Variants in FLT3 observed in about 807,000 individuals in gnomAD.
FLT3 encodes the protein receptor-type tyrosine-protein kinase FLT3.
FLT3 carries 46 observed loss-of-function variants against 126.6 expected under a neutral mutation model. The ratio of observed to expected loss-of-function variants is 0.36; its 90% CI spans 0.29 to 0.46. The LOEUF (loss-of-function observed/expected upper bound fraction) is 0.46, where lower values mean the gene tolerates loss of function less well. Ranked by LOEUF, FLT3 falls within the 20% of genes least tolerant of loss-of-function variation. The pLI, the probability that FLT3 is intolerant of heterozygous loss-of-function variation, is 1.00. For missense variants in FLT3, 1,069 were observed against 1,190.3 expected (o/e 0.90, Z 1.50); for synonymous variants, 404 against 434.4 (o/e 0.93, Z 0.87).
At position 28,060,882 on chromosome 13, in the gene FLT3, G is replaced by C. The variant is rs540743793; in HGVS notation, c.368+985C>G. Reference sequence around the variant, plus strand: ...GGCCTCCCAAAGTGCTGGGATTACAGGCATGAGCCACTGCACCCAACCAAC... The same window carrying C: ...GGCCTCCCAAAGTGCTGGGATTACACGCATGAGCCACTGCACCCAACCAAC... On this transcript the variant is annotated intron_variant, in intron 3 of 23. Coordinates refer to ENST00000241453, the MANE Select transcript of FLT3 (RefSeq NM_004119.3). Among the ~76,000 whole-genome samples the C allele has an allele frequency of 5.1e-3, 777 of 151,892 alleles. 4 individuals carry two copies. Among genetic ancestry groups the C allele is most frequent in the African/African-American group, 0.018 (726 of 41,440 alleles).
At chr13:28,099,613 T>C (rs1421927694) in intron 1 of FLT3, among the ~76,000 whole-genome samples, 2 of 152,148 alleles carry the variant, frequency 1.3e-5, no homozygotes, top group East Asian at 3.9e-4. Context: ...GTTGCAGACC[T>C]AGGACAGGGA....
chr13:28,086,619 CGTGTGTGT>C lies in FLT3; in HGVS notation c.43+13841_43+13848del, dbSNP rs35797346. On this transcript the variant is annotated intron_variant, in intron 1 of 23. Transcript: ENST00000241453. Reference sequence around the variant, plus strand: ...TATTTTTCCTTCTGTCTGAAGAACTCGTGTGTGTGTGTGTGTGTGTGTGTGTGTGTGTG... The same window carrying C: ...TATTTTTCCTTCTGTCTGAAGAACTCGTGTGTGTGTGTGTGTGTGTGTGTG... Among the ~76,000 whole-genome samples the C allele has an allele frequency of 1.3e-3, 178 of 134,828 alleles. 1 individual carries two copies. Among genetic ancestry groups the C allele is most frequent in the Middle Eastern group, 3.8e-3 (1 of 266 alleles). The allele number at this position is 134,828 out of a possible 152,430, so 88.5% of individuals were successfully genotyped here.
At chr13:28,073,375 T>C in intron 1 of FLT3, 1 of 421,872 alleles carries the variant, frequency 2.4e-6, no homozygotes, top group Non-Finnish European at 4.6e-6. Flanking sequence ...AAAAAGCATT[T>C]TTTACTGTCA....
intron 1 of FLT3, among the ~76,000 whole-genome samples, chr13:28,074,212 G>A (rs922335933): frequency 6.6e-6 from 1 of 151,854 alleles, no homozygotes; most frequent in Non-Finnish European, 1.5e-5. Context: ...GCATTTTTTT[G>A]ATATTTGTCC....
rs541253636 is a variant in FLT3, at chr13:28,052,431, G to A, written c.614+114C>T. 8 of 1,136,656 alleles carry A rather than the reference G, an allele frequency of 7.0e-6. No individual in the cohort carries two copies. The African/African-American group carries it at 1.1e-4, about 15-fold the overall frequency. 70.4% of individuals were successfully genotyped at this position (1,136,656 alleles called of 1,614,324 possible). ...CATTTTTTAACTTTAAGAAGCCAAA[G>A]TTTCCTGTTTAAATGAGCATAAATT... On this transcript the variant is annotated intron_variant, in intron 5 of 23. Coordinates refer to ENST00000241453, the MANE Select transcript of FLT3 (RefSeq NM_004119.3).
At chr13:28,080,964 G>A (rs577055592) in intron 1 of FLT3, among the ~76,000 whole-genome samples, 5 of 152,130 alleles carry the variant, frequency 3.3e-5, no homozygotes, top group South Asian at 2.1e-4. Context: ...TTTCTAGGTC[G>A]CAAATCACTA....
chr13:28,076,731 C>G (rs1877948368), intron 1 of FLT3, among the ~76,000 whole-genome samples: 1 of 152,196 alleles, frequency 6.6e-6, no homozygotes, highest in Admixed American at 6.5e-5. Context: ...AATTCGAGAC[C>G]AGCCTGGGCA....
intron 1 of FLT3, among the ~76,000 whole-genome samples, chr13:28,074,061 C>G (rs1044758689): frequency 3.3e-5 from 5 of 152,242 alleles, no homozygotes; most frequent in African/African-American, 1.2e-4. Context: ...GCTACCAACC[C>G]CATTCCCCCA....
At chr13:28,030,656 A>G (rs530185009) in intron 15 of FLT3, among the ~76,000 whole-genome samples, 1 of 152,276 alleles carries the variant, frequency 6.6e-6, no homozygotes, top group Non-Finnish European at 1.5e-5. Context: ...GCTGGTACCC[A>G]GAAGTTCAAG....
chr13:28,017,411 A>G (rs1871958237), intron 20 of FLT3, among the ~76,000 whole-genome samples: 1 of 151,982 alleles, frequency 6.6e-6, no homozygotes, highest in African/African-American at 2.4e-5. Context: ...TTATAGAGAC[A>G]GTTGAGTGTC....
At chr13:28,092,185 G>A (rs1233584422) in intron 1 of FLT3, among the ~76,000 whole-genome samples, 1 of 152,112 alleles carries the variant, frequency 6.6e-6, no homozygotes, top group Non-Finnish European at 1.5e-5. Flanking sequence ...AAACTCAAAT[G>A]GAAATTTAAC....
Position 28,062,073 on chromosome 13 carries a change from C to T in FLT3, c.166-4G>A, listed in dbSNP as rs1214532205. 13 of 1,610,000 alleles carry T rather than the reference C, an allele frequency of 8.1e-6. No individual in the cohort carries two copies. The highest frequency in any genetic ancestry group is 1.3e-5 in the African/African-American group (1 of 74,904). On this transcript the variant is annotated splice_region_variant and splice_polypyrimidine_tract_variant and intron_variant, in intron 2 of 23. Transcript: ENST00000241453. ...GGTCTTCCGGGGATTCTGATACCTA[C>T]GTTGCAGATAGAACAAAGTGAATTC... is the stretch of plus-strand genomic sequence containing the variant.
At chr13:28,039,799 T>G (rs1874183888) in intron 9 of FLT3, among the ~76,000 whole-genome samples, 1 of 152,136 alleles carries the variant, frequency 6.6e-6, no homozygotes, top group African/African-American at 2.4e-5. Context: ...CCTCTCTCCT[T>G]GGCCTCCAAA....
At chr13:28,045,814 C>A (rs892960882) in intron 9 of FLT3, among the ~76,000 whole-genome samples, 10 of 148,598 alleles carry the variant, frequency 6.7e-5, no homozygotes, top group Non-Finnish European at 1.2e-4. Flanking sequence ...AAGATCGTGC[C>A]ACTGCACTTC....
intron 23 of FLT3, 100 bp from the exon 24 acceptor site, chr13:28,004,274 A>G (rs1870690026): frequency 8.2e-7 from 1 of 1,217,762 alleles, no homozygotes; most frequent in Admixed American, 2.3e-5. Flanking sequence ...CAGTTGTTCT[A>G]TATAGACAAT....
At chr13:28,069,767 TA>T (rs1410725255) in intron 2 of FLT3, among the ~76,000 whole-genome samples, 1 of 152,190 alleles carries the variant, frequency 6.6e-6, no homozygotes, top group Non-Finnish European at 1.5e-5. Context: ...TTAGGTATTA[TA>T]AAGCATTTGC....
At chr13:28,004,308 T>C in intron 23 of FLT3, 134 bp from the exon 24 acceptor site, 1 of 1,011,642 alleles carries the variant, frequency 9.9e-7, no homozygotes, top group Non-Finnish European at 1.4e-6. Context: ...GTTTGTTGTT[T>C]GTTTGTTTAT....
At chr13:28,096,370 G>C (rs913692182) in intron 1 of FLT3, among the ~76,000 whole-genome samples, 7 of 151,944 alleles carry the variant, frequency 4.6e-5, no homozygotes, top group Non-Finnish European at 1.5e-5. Context: ...AATTTAAAAA[G>C]TAGTTTTAGG....
intron 15 of FLT3, among the ~76,000 whole-genome samples, chr13:28,029,258 G>A (rs60601341): frequency 1.9e-4 from 29 of 152,026 alleles, no homozygotes; most frequent in African/African-American, 3.4e-4. Flanking sequence ...CGGGCGTGCC[G>A]GTGCGTACCT....
Sources: allele counts gnomAD v4.1 joint callset (sites outside exome capture counted in the v4.1 genomes callset), GRCh38; gene constraint gnomAD v4.1.1; transcripts MANE v1.5; gene names NCBI Gene and HGNC (gene_info 2026-07-23, HGNC 2026-07-21).